The following LCA5 variants were observed in gnomAD, a reference collection of about 807,000 sequenced individuals.
LCA5 encodes the protein lebercilin LCA5, also known as lebercilin.
Under a neutral mutation model 53.0 loss-of-function variants are expected in LCA5, and 37 were observed. The ratio of observed to expected loss-of-function variants is 0.70; its 90% CI spans 0.54 to 0.92. The LOEUF (loss-of-function observed/expected upper bound fraction) is 0.92, where lower values mean the gene tolerates loss of function less well. Among genes scored for constraint, LCA5 ranks in the 40% least tolerant of loss-of-function variants. The pLI, the probability that LCA5 is intolerant of heterozygous loss-of-function variation, is 0.00. For missense variants in LCA5, 806 were observed against 790.5 expected (o/e 1.02, Z -0.23); for synonymous variants, 303 against 282.9 (o/e 1.07, Z -0.71).
In LCA5 at chr6:79,487,656, G is replaced by A. The variant is rs1394376638; in HGVS notation, c.1442C>T (p.Ser481Phe). The A allele has an allele frequency of 1.9e-6, 3 of 1,613,864 alleles. No individual in the cohort carries two copies. The African/African-American group carries it at 4.0e-5, about 22-fold the overall frequency. ...CAAAACAGGGTATTTTAGATTTCGA[G>A]AATCTTGGAGTTCTCTGTCAATTTC... is the stretch of plus-strand genomic sequence containing the variant. ...LNEIDRELQD[S>F]RNLKYPVLPL... Residue 481 changes from serine (S) to phenylalanine (F), a missense_variant, in exon 8 of 8, where the codon TCT becomes TTT. Coordinates refer to ENST00000369846, the MANE Select transcript of LCA5 (RefSeq NM_001122769.3).
At chr6:79,493,879 A>G in intron 3 of LCA5, 129 bp from the exon 4 acceptor site, 1 of 646,190 alleles carries the variant, frequency 1.5e-6, no homozygotes. Context: ...TGGGCATAGT[A>G]TTCATGTACA....
At chr6:79,513,882 T>A (rs1357651040) in intron 2 of LCA5, 141 bp from the exon 3 acceptor site, 1 of 784,346 alleles carries the variant, frequency 1.3e-6, no homozygotes, top group Non-Finnish European at 2.1e-6. Flanking sequence ...TAGTAAAGTA[T>A]CAAGTTTTAT....
In LCA5 at chr6:79,513,240, T is replaced by G. The variant is rs562192079; in HGVS notation, c.692A>C (p.Lys231Thr). The change falls in exon 3 of 8, where the codon AAG (lysine) becomes ACG (threonine). Residue 231 changes from lysine to threonine, a missense_variant. Physicochemically the swap from Lys to Thr is moderately conservative, Grantham distance 78. Transcript: ENST00000369846. ...LAKKLVSAEL[K>T]LDDTERRIKE... ...AATTCTTCTCTCGGTGTCATCTAAC[T>G]TTAACTCTGCTGAAACTAGTTTCTT... 1 of 1,613,686 alleles carries G rather than the reference T, an allele frequency of 6.2e-7. No homozygotes were observed. Among genetic ancestry groups the G allele is most frequent in the Admixed American group, 1.7e-5 (1 of 60,002 alleles).
intron 1 of LCA5, among the ~76,000 whole-genome samples, chr6:79,533,022 TGA>T (rs964872246): frequency 2.0e-5 from 3 of 152,164 alleles, no homozygotes; most frequent in East Asian, 1.9e-4. Context: ...CTAGAATTCC[TGA>T]GAGAGAAAAG....
intron 2 of LCA5, 115 bp from the exon 3 acceptor site, chr6:79,513,856 A>C: frequency 2.1e-6 from 2 of 975,594 alleles, no homozygotes; most frequent in South Asian, 2.8e-5. Flanking sequence ...TCTTTAAGAA[A>C]GGATTTTACA....
chr6:79,538,495 C>G (rs1403143348), upstream of LCA5, among the ~76,000 whole-genome samples: 1 of 152,156 alleles, frequency 6.6e-6, no homozygotes, highest in South Asian at 2.1e-4. Flanking sequence ...TACATCTGTA[C>G]AAGATGGCAG....
rs1562106587 is a variant in LCA5 at position 79,513,595 on chromosome 6, T to G, written c.337A>C (p.Asn113His). ...TCAGATACTTCATTCTGCAACTCAT[T>G]GATTTTTAGCAGTCTTGCAGACAGA... ...RILSARLLKINELQNEVSELQ... is the reference protein window; with the variant it reads ...RILSARLLKIHELQNEVSELQ... The change falls in exon 3 of 8, where the codon AAT becomes CAT. Residue 113 changes from asparagine (N) to histidine (H), a missense_variant. Asn to His is a moderately conservative substitution (Grantham distance 68). Transcript: ENST00000369846. 2 of 1,613,988 alleles carry G rather than the reference T, an allele frequency of 1.2e-6. No homozygotes were observed. Among genetic ancestry groups the G allele is most frequent in the Non-Finnish European group, 1.7e-6 (2 of 1,179,900 alleles).
At chr6:79,534,595 G>A (rs1172299988) in intron 1 of LCA5, among the ~76,000 whole-genome samples, 1 of 152,122 alleles carries the variant, frequency 6.6e-6, no homozygotes, top group Non-Finnish European at 1.5e-5. Context: ...AATGATAAAA[G>A]GAAGCAGAGA....
At chr6:79,502,956 T>C (rs997445823) in intron 3 of LCA5, among the ~76,000 whole-genome samples, 10 of 152,064 alleles carry the variant, frequency 6.6e-5, no homozygotes, top group South Asian at 4.2e-4. Flanking sequence ...TCTTGGCTCA[T>C]TGCAACCTCC....
At chr6:79,524,053 TC>T (rs938436118) in intron 1 of LCA5, among the ~76,000 whole-genome samples, 10 of 152,204 alleles carry the variant, frequency 6.6e-5, no homozygotes, top group Non-Finnish European at 1.5e-4. Context: ...GTCTTTTTTT[TC>T]CTATTAAGTG....
At chr6:79,510,737 A>G (rs544053690) in intron 3 of LCA5, among the ~76,000 whole-genome samples, 4 of 152,314 alleles carry the variant, frequency 2.6e-5, no homozygotes, top group African/African-American at 9.6e-5. Context: ...CTCCAAAAAT[A>G]GATAAAGCAA....
At chr6:79,523,372 T>C (rs1766683727) in intron 1 of LCA5, among the ~76,000 whole-genome samples, 2 of 152,220 alleles carry the variant, frequency 1.3e-5, no homozygotes, top group South Asian at 4.1e-4. Flanking sequence ...AGTAAGTGGC[T>C]CTAGCACTCA....
chr6:79,535,069 A>T (rs1767071239), intron 1 of LCA5, among the ~76,000 whole-genome samples: 1 of 152,186 alleles, frequency 6.6e-6, no homozygotes, highest in East Asian at 1.9e-4. Flanking sequence ...TATGTGACTT[A>T]AAAATACATT....
At chr6:79,502,811 A>G (rs958467435) in intron 3 of LCA5, among the ~76,000 whole-genome samples, 1 of 152,176 alleles carries the variant, frequency 6.6e-6, no homozygotes, top group Non-Finnish European at 1.5e-5. Context: ...ATAGAGCAAC[A>G]GAAGACAGAT....
intron 3 of LCA5, among the ~76,000 whole-genome samples, chr6:79,501,232 A>G (rs1770129901): frequency 6.6e-6 from 1 of 152,140 alleles, no homozygotes; most frequent in South Asian, 2.1e-4. Flanking sequence ...AGGGGGATCA[A>G]TCTTGATCTT....
intron 1 of LCA5, among the ~76,000 whole-genome samples, chr6:79,529,262 A>C (rs1192615765): frequency 6.6e-6 from 1 of 152,232 alleles, no homozygotes; most frequent in Admixed American, 6.5e-5. Context: ...CAATTCAAGT[A>C]CCAGAAAGGT....
At chr6:79,488,078 A>G in intron 7 of LCA5, 1 of 515,620 alleles carries the variant, frequency 1.9e-6, no homozygotes, top group Non-Finnish European at 3.3e-6. Flanking sequence ...TCATTTATAA[A>G]AAAATTTGTT....
Position 79,518,865 on chromosome 6 carries a change from A to G in LCA5, c.30T>C (p.Thr10=). Residue 10 remains threonine, a synonymous_variant, in exon 2 of 8, where the codon ACT becomes ACC. Coordinates refer to ENST00000369846, the MANE Select transcript of LCA5 (RefSeq NM_001122769.3). MGERAGSPG[T]DQERKAGKHH... is the part of the protein sequence containing the mutation. ...GTTTGCCTGCCTTTCTTTCTTGATCAGTACCTGGACTTCCTGCTCTTTCCC... is the reference window on the plus strand; with the variant it reads ...GTTTGCCTGCCTTTCTTTCTTGATCGGTACCTGGACTTCCTGCTCTTTCCC... 3 of 1,614,152 alleles carry G rather than the reference A, an allele frequency of 1.9e-6. No homozygotes were observed. Among genetic ancestry groups the G allele is most frequent in the Non-Finnish European group, 2.5e-6 (3 of 1,180,002 alleles).
At chr6:79,535,233 A>G (rs989174592) in intron 1 of LCA5, among the ~76,000 whole-genome samples, 1 of 152,144 alleles carries the variant, frequency 6.6e-6, no homozygotes, top group Non-Finnish European at 1.5e-5. Flanking sequence ...GTGGAAGATA[A>G]TATCACAAGA....
Sources: gnomAD v4.1 joint callset for allele counts (sites outside exome capture counted in the v4.1 genomes callset) on GRCh38, gnomAD v4.1.1 for gene constraint, MANE v1.5 for transcripts, NCBI Gene and HGNC (gene_info 2026-07-23, HGNC 2026-07-21) for gene names.